CFAP70: variants seen among roughly 807,000 people sequenced by gnomAD.
CFAP70 encodes cilia- and flagella-associated protein 70.
A neutral mutation model predicts 137.6 loss-of-function variants in CFAP70; 81 were observed. The ratio of observed to expected loss-of-function variants is 0.59; its 90% CI spans 0.49 to 0.71. The LOEUF is 0.71. Among genes scored for constraint, CFAP70 ranks in the 30% least tolerant of loss-of-function variants. The pLI is 0.00. For missense variants in CFAP70, 976 were observed against 1,226.7 expected, an observed-to-expected ratio of 0.80 and a Z score of 3.05; for synonymous variants, 382 against 423.6, an observed-to-expected ratio of 0.90 and a Z score of 1.20.
chr10:73,304,597 T>C (rs969674827), intron 12 of CFAP70, among the ~76,000 whole-genome samples: 5 of 152,126 alleles, frequency 3.3e-5, no homozygotes, highest in African/African-American at 9.7e-5. Flanking sequence ...AAAAGTATTG[T>C]GTTGGTGAAT....
chr10:73,275,452 G>A lies in CFAP70; in HGVS notation c.2667C>T (p.Asp889=), dbSNP rs758547113. Residue 889 remains aspartate (D), a synonymous_variant, in exon 22 of 27, where the codon GAC becomes GAT. Coordinates refer to ENST00000310715, the Ensembl canonical transcript of CFAP70. This position sits in a 1 kb window ranked among gnomAD's most constrained non-coding sequence, Gnocchi z 4.0. ...CTTTAGCAAAAGTCATTACCAGGTAGTCCATCTGGGCTGCTTGTTGAAGGT... is the reference window on the plus strand; with the variant it reads ...CTTTAGCAAAAGTCATTACCAGGTAATCCATCTGGGCTGCTTGTTGAAGGT... The A allele has an allele frequency of 6.3e-7, 1 of 1,599,238 alleles. No individual in the cohort carries two copies. The highest frequency in any genetic ancestry group is 1.3e-5 in the African/African-American group (1 of 74,124).
chr10:73,335,398 G>A lies in CFAP70; in HGVS notation c.677+32C>T, dbSNP rs750693579. 11 of 1,436,304 alleles carry A rather than the reference G, an allele frequency of 7.7e-6. No individual in the cohort carries two copies. The Admixed American group carries it at 1.1e-4, about 14-fold the overall frequency. 89.0% of individuals were successfully genotyped at this position (1,436,304 alleles called of 1,614,324 possible). A position where few individuals can be genotyped will look rare whatever the true frequency, so the allele number is the denominator to read the frequency against. On this transcript the variant is annotated intron_variant, in intron 7 of 26. Coordinates refer to ENST00000310715, the Ensembl canonical transcript of CFAP70. The stretch of plus-strand genomic sequence containing the variant: ...TTCTTCCCACCTACAAGCCTTTGTG[G>A]GTTAGACATATGTCCTTCCTCTTCT...
chr10:73,281,701 T>C (rs1487815481), intron 19 of CFAP70, among the ~76,000 whole-genome samples: 2 of 152,006 alleles, frequency 1.3e-5, no homozygotes. Context: ...AGGACACATG[T>C]GATTGCAATA....
chr10:73,355,017 A>G (rs1047034120), intron 1 of CFAP70, among the ~76,000 whole-genome samples, 182 bp from the exon 2 acceptor site: 2 of 152,200 alleles, frequency 1.3e-5, no homozygotes, highest in African/African-American at 4.8e-5. Flanking sequence ...CACAAGGATG[A>G]TTTCACTGGT....
At chr10:73,285,058 A>C (rs1011980854) in intron 19 of CFAP70, among the ~76,000 whole-genome samples, 3 of 152,078 alleles carry the variant, frequency 2.0e-5, no homozygotes, top group Admixed American at 6.6e-5. Flanking sequence ...ACTAAATTAC[A>C]AGAGGTAGGC....
intron 25 of CFAP70, 51 bp downstream of exon 26, chr10:73,269,563 C>T: frequency 7.4e-7 from 1 of 1,349,958 alleles, no homozygotes; most frequent in Non-Finnish European, 1.1e-6. Context: ...TTACTTGACC[C>T]CTCACCTCTG....
chr10:73,311,234 C>T (rs2049891544), intron 11 of CFAP70, among the ~76,000 whole-genome samples: 1 of 152,150 alleles, frequency 6.6e-6, no homozygotes, highest in South Asian at 2.1e-4. Flanking sequence ...TTAACTGAGA[C>T]AGCCTAAATT....
intron 25 of CFAP70, 71 bp downstream of exon 26, chr10:73,269,543 T>G: frequency 9.8e-7 from 1 of 1,020,024 alleles, no homozygotes; most frequent in Non-Finnish European, 1.5e-6. Flanking sequence ...GGCCATCTGC[T>G]GCCCCTTGCT....
chr10:73,297,172 T>C (rs762628407), exon 15 of CFAP70: 20 of 1,611,752 alleles, frequency 1.2e-5, no homozygotes, highest in Non-Finnish European at 1.7e-5. Context: ...TACCACAGCA[T>C]GCTGCAAGAC....
At position 73,275,599 on chromosome 10, in the gene CFAP70, C is replaced by T. The variant is rs2046657653; in HGVS notation, c.2521-1G>A. On this transcript the variant is annotated splice_acceptor_variant, in intron 21 of 26. Coordinates refer to ENST00000310715, the Ensembl canonical transcript of CFAP70. LOFTEE classifies it high-confidence loss of function. This position sits in a 1 kb window ranked among gnomAD's most constrained non-coding sequence, Gnocchi z 4.0. ...CATGTGCAAGCACTCTGTGCACATACTGCAAGGATAATCAGATTATAAGCA... is the reference window on the plus strand; with the variant it reads ...CATGTGCAAGCACTCTGTGCACATATTGCAAGGATAATCAGATTATAAGCA... 2 of 1,561,354 alleles carry T rather than the reference C, an allele frequency of 1.3e-6. No homozygotes were observed. Among genetic ancestry groups the T allele is most frequent in the East Asian group, 4.8e-5 (2 of 42,096 alleles).
chr10:73,253,766 G>C, downstream of CFAP70: 1 of 466,098 alleles, frequency 2.1e-6, no homozygotes, highest in South Asian at 4.7e-5. Context: ...GATGAATTTT[G>C]AGTTTCATAT....
chr10:73,359,902 A>T (rs1564904390), upstream of CFAP70, among the ~76,000 whole-genome samples: 1 of 152,108 alleles, frequency 6.6e-6, no homozygotes. Flanking sequence ...CACTAAAAAA[A>T]AACACACACA....
At chr10:73,272,696 A>T in intron 24 of CFAP70, 2 of 601,374 alleles carry the variant, frequency 3.3e-6, no homozygotes, top group Admixed American at 5.3e-5. Context: ...TTTTTTTATT[A>T]TGTAGCTTCT....
At chr10:73,332,907 A>G (rs61865826) in intron 7 of CFAP70, among the ~76,000 whole-genome samples, 1,587 of 152,356 alleles carry the variant, frequency 0.01, 23 homozygotes, top group Non-Finnish European at 0.013. Context: ...GAAAAAATAT[A>G]GTCCAAATAG....
At chr10:73,291,091 T>G in intron 19 of CFAP70, 135 bp downstream of exon 20, 1 of 710,278 alleles carries the variant, frequency 1.4e-6, no homozygotes. Context: ...CACAGCTCAC[T>G]GCAACCTTGA....
intron 25 of CFAP70, among the ~76,000 whole-genome samples, chr10:73,265,118 G>T (rs1471415232): frequency 1.3e-5 from 2 of 152,202 alleles, no homozygotes; most frequent in African/African-American, 4.8e-5. Flanking sequence ...GAGGTCAGGA[G>T]ATCGAGACCA....
intron 12 of CFAP70, among the ~76,000 whole-genome samples, chr10:73,302,640 CT>C (rs139135476): frequency 2.6e-5 from 4 of 152,064 alleles, no homozygotes; most frequent in African/African-American, 7.2e-5. Flanking sequence ...AATTATCAAG[CT>C]TTTTTTATTT....
exon 27 of CFAP70, chr10:73,253,944 C>T (rs1256403400): frequency 1.3e-6 from 2 of 1,558,842 alleles, no homozygotes; most frequent in Admixed American, 1.7e-5. Context: ...ACTCAGAGTC[C>T]CATGCAGAAA....
chr10:73,332,380 A>T (rs926281510), intron 7 of CFAP70, among the ~76,000 whole-genome samples: 3 of 152,194 alleles, frequency 2.0e-5, no homozygotes, highest in African/African-American at 7.2e-5. Context: ...ATATGGCCAC[A>T]GTGTTCTCCC....
Sources: allele counts gnomAD v4.1 joint callset (sites outside exome capture counted in the v4.1 genomes callset), GRCh38; gene constraint gnomAD v4.1.1; non-coding constraint Gnocchi (gnomAD v3.1); transcripts MANE v1.5; gene names NCBI Gene and HGNC (gene_info 2026-07-23, HGNC 2026-07-21).